The following MYRIP variants were observed in gnomAD, a reference collection of about 807,000 sequenced individuals.
The protein encoded by MYRIP is myosin VIIA and Rab interacting protein.
Under a neutral mutation model 98.0 loss-of-function variants are expected in MYRIP, and 49 were observed. That is an observed-to-expected ratio of 0.50 (90% confidence interval 0.40 to 0.63). The LOEUF (loss-of-function observed/expected upper bound fraction) is 0.63. Ranked by LOEUF, MYRIP falls within the 30% of genes least tolerant of loss-of-function variation. The pLI, the probability that MYRIP is intolerant of heterozygous loss-of-function variation, is 0.00. For missense variants in MYRIP, 1,004 were observed against 1,058.2 expected, an observed-to-expected ratio of 0.95 and a Z score of 0.71; for synonymous variants, 404 against 409.5, an observed-to-expected ratio of 0.99 and a Z score of 0.16.
At chr3:39,824,419 T>A (rs1941204962) in intron 1 of MYRIP, among the ~76,000 whole-genome samples, 1 of 152,212 alleles carries the variant, frequency 6.6e-6, no homozygotes, top group African/African-American at 2.4e-5. Context: ...AGGGATTATT[T>A]CATTGAATCT....
chr3:39,870,060 G>T (rs2125628699), intron 1 of MYRIP, among the ~76,000 whole-genome samples: 1 of 152,268 alleles, frequency 6.6e-6, no homozygotes, highest in South Asian at 2.1e-4. Flanking sequence ...GGAGGGAACT[G>T]CAGGGGGGTT....
chr3:40,068,038 A>G (rs1174275240), intron 3 of MYRIP, among the ~76,000 whole-genome samples: 4 of 152,190 alleles, frequency 2.6e-5, no homozygotes, highest in African/African-American at 4.8e-5. Flanking sequence ...ACCCATTTTC[A>G]TGATTTTGAA....
chr3:40,066,201 A>T (rs567695274), intron 3 of MYRIP, among the ~76,000 whole-genome samples: 1 of 152,276 alleles, frequency 6.6e-6, no homozygotes, highest in South Asian at 2.1e-4. Context: ...TTTGCTGTGC[A>T]CCACCCTCCC....
At chr3:39,941,977 T>C (rs1038985393) in intron 2 of MYRIP, among the ~76,000 whole-genome samples, 3 of 152,164 alleles carry the variant, frequency 2.0e-5, no homozygotes, top group Admixed American at 6.6e-5. Flanking sequence ...TGGAGAAACA[T>C]ATCATGTTTG....
intron 13 of MYRIP, 149 bp from the exon 14 acceptor site, chr3:40,250,073 G>A (rs145247215): frequency 3.1e-4 from 204 of 650,890 alleles, no homozygotes; most frequent in Middle Eastern, 2.2e-3. Flanking sequence ...ACACTAGATA[G>A]AGGAGTGTTT....
intron 11 of MYRIP, among the ~76,000 whole-genome samples, chr3:40,223,790 C>T (rs941715570): frequency 2.6e-5 from 4 of 152,080 alleles, no homozygotes; most frequent in Non-Finnish European, 4.4e-5. Context: ...AAAAAAGCTC[C>T]CTGAGCTCGT....
At chr3:39,998,624 A>G (rs1045837126) in intron 2 of MYRIP, among the ~76,000 whole-genome samples, 3 of 152,206 alleles carry the variant, frequency 2.0e-5, no homozygotes, top group Admixed American at 6.5e-5. Context: ...TACAGATTCA[A>G]TGCCATCCCC....
At chr3:40,115,709 A>T (rs190087899) in intron 3 of MYRIP, among the ~76,000 whole-genome samples, 22 of 152,298 alleles carry the variant, frequency 1.4e-4, no homozygotes, top group African/African-American at 5.3e-4. Context: ...ACAGAAGAGA[A>T]ACCTGAGATT....
chr3:40,181,249 T>C (rs1325315464), intron 8 of MYRIP, among the ~76,000 whole-genome samples: 1 of 152,152 alleles, frequency 6.6e-6, no homozygotes, highest in Non-Finnish European at 1.5e-5. Flanking sequence ...GGCTGACTCC[T>C]GGGTCCAGCT....
At chr3:39,863,118 A>G (rs1339193748) in intron 1 of MYRIP, among the ~76,000 whole-genome samples, 1 of 152,186 alleles carries the variant, frequency 6.6e-6, no homozygotes, top group African/African-American at 2.4e-5. Context: ...AATGAGAAAA[A>G]AGTTACAACA....
intron 2 of MYRIP, among the ~76,000 whole-genome samples, chr3:40,017,818 A>G (rs1467038762): frequency 6.6e-6 from 1 of 151,882 alleles, no homozygotes; most frequent in Non-Finnish European, 1.5e-5. Context: ...TGGAGAAAGA[A>G]TCAATTTGGT....
chr3:40,102,476 T>A (rs1304253834), intron 3 of MYRIP, among the ~76,000 whole-genome samples: 1 of 152,180 alleles, frequency 6.6e-6, no homozygotes, highest in Non-Finnish European at 1.5e-5. Flanking sequence ...TGTGGCCCCA[T>A]AGGAGTTTTG....
chr3:39,944,677 A>G (rs1944859451), intron 2 of MYRIP, among the ~76,000 whole-genome samples: 2 of 152,150 alleles, frequency 1.3e-5, no homozygotes, highest in Admixed American at 6.6e-5. Flanking sequence ...TCATTGTAAA[A>G]TCTAGCCAAA....
intron 3 of MYRIP, among the ~76,000 whole-genome samples, chr3:40,081,480 T>C (rs1948479276): frequency 6.6e-6 from 1 of 152,212 alleles, no homozygotes; most frequent in Non-Finnish European, 1.5e-5. Context: ...GCACTGCATT[T>C]TGGATAATTT....
At position 40,212,204 on chromosome 3, in the gene MYRIP, ACGTGTG is replaced by A. The variant is rs1559456720; in HGVS notation, c.1905+2112_1905+2117del. On this transcript the variant is annotated intron_variant, in intron 11 of 16. Coordinates refer to ENST00000302541, the MANE Select transcript of MYRIP (RefSeq NM_015460.4). ...CGTGTATGTGTATATACATATATAT[ACGTGTG>A]TGTATATATATATATACACACACAC... 1.0e-3 allele frequency among the ~76,000 whole-genome samples: 62 copies of A among 60,084 alleles called. 17 individuals are homozygous for A. Among genetic ancestry groups the A allele is most frequent in the Middle Eastern group, 6.0e-3 (1 of 166 alleles). 39.4% of individuals were successfully genotyped at this position (60,084 alleles called of 152,430 possible). A position where few individuals can be genotyped will look rare whatever the true frequency, so the allele number is the denominator to read the frequency against.
At chr3:39,976,899 G>A (rs1209874207) in intron 2 of MYRIP, among the ~76,000 whole-genome samples, 1 of 152,140 alleles carries the variant, frequency 6.6e-6, no homozygotes, top group African/African-American at 2.4e-5. Context: ...CCCGTTGTGG[G>A]AGGAGGGGAG....
Position 39,863,978 on chromosome 3 carries a change from C to T in MYRIP, c.-30-36809C>T, listed in dbSNP as rs115506992. Among the ~76,000 whole-genome samples the T allele has an allele frequency of 1.0e-2, 1,516 of 152,186 alleles. 27 individuals carry two copies. Among genetic ancestry groups the T allele is most frequent in the African/African-American group, 0.035 (1,449 of 41,528 alleles). ...TATCACATAGGCTGTATCTCTGGGA[C>T]GCAAGGTTGTCTCAACATATACAAA... is the stretch of plus-strand genomic sequence containing the variant. On this transcript the variant is annotated intron_variant, in intron 1 of 16. Transcript: ENST00000302541.
intron 11 of MYRIP, among the ~76,000 whole-genome samples, chr3:40,216,489 G>C (rs751599726): frequency 6.6e-6 from 1 of 152,058 alleles, no homozygotes; most frequent in African/African-American, 2.4e-5. Context: ...TCCTATAAAC[G>C]GAAATGCCAA....
At chr3:39,818,397 C>A (rs1472543664) in intron 1 of MYRIP, among the ~76,000 whole-genome samples, 1 of 152,184 alleles carries the variant, frequency 6.6e-6, no homozygotes, top group African/African-American at 2.4e-5. Flanking sequence ...CCTTTCTCAA[C>A]TGGTGAGGCA....
Sources: gnomAD v4.1 joint callset for allele counts (sites outside exome capture counted in the v4.1 genomes callset) on GRCh38, gnomAD v4.1.1 for gene constraint, MANE v1.5 for transcripts, NCBI Gene and HGNC (gene_info 2026-07-23, HGNC 2026-07-21) for gene names.